The following SLC2A3 variants were observed in gnomAD, a reference collection of about 807,000 sequenced individuals.
SLC2A3 encodes the protein solute carrier family 2, facilitated glucose transporter member 3.
SLC2A3 carries 21 observed loss-of-function variants against 46.4 expected under a neutral mutation model. That is an observed-to-expected ratio of 0.45 (90% CI 0.32 to 0.65). The LOEUF is 0.65. Among genes scored for constraint, SLC2A3 ranks in the 30% least tolerant of loss-of-function variants. The probability of loss-of-function intolerance (pLI) is 0.04; values close to 1 mark genes in which losing one functional copy is unlikely to be tolerated. For synonymous variants in SLC2A3, 213 were observed against 239.4 expected (o/e 0.89, Z 1.02); for missense variants, 499 against 623.3 (o/e 0.80, Z 2.12).
rs1565605249 is a variant in SLC2A3 at position 7,933,110 on chromosome 12, T to C, written c.146A>G (p.Lys49Arg). ...CACCTCAGAGGGTGGGGCATTTCCC[T>C]TGTCCGTCAAAGTTTTATTGATAAA... ...KEFINKTLTD[K>R]GNAPPSEVLL... The change falls in exon 3 of 10, where the codon AAG (lysine) becomes AGG (arginine). Residue 49 changes from lysine to arginine, a missense_variant. Lys to Arg is a conservative substitution (Grantham distance 26, BLOSUM62 2). Around this residue, in one of 5 missense-constraint regions of SLC2A3, gnomAD observed 248 missense variants for 284.0 expected, o/e 0.87. Coordinates refer to ENST00000075120, the MANE Select transcript of SLC2A3 (RefSeq NM_006931.3). 1.9e-6 allele frequency: 3 copies of C among 1,613,954 alleles called. No homozygotes were observed. The highest frequency in any genetic ancestry group is 3.3e-5 in the Admixed American group (2 of 59,982).
chr12:7,931,242 T>G lies in SLC2A3; in HGVS notation c.510+3A>C. The G allele has an allele frequency of 6.2e-7, 1 of 1,614,074 alleles. No individual in the cohort carries two copies. On this transcript the variant is annotated splice_donor_region_variant and intron_variant, in intron 4 of 9. Transcript: ENST00000075120. ...TCATTAAGTATGAGAAGTTCTAGAG[T>G]ACCTGGGCCACCAGAATTCCAACAA...
rs750514083 is a variant in SLC2A3 at position 7,921,444 on chromosome 12, T to C, written c.1460A>G (p.Glu487Gly). Residue 487 changes from glutamate (E) to glycine (G), a missense_variant, in exon 10 of 10, where the codon GAG (glutamate) becomes GGG (glycine). Transcript: ENST00000075120. ...ATTGGTGGTGGTCTCCTTAGCAGGC[T>C]CGATGCTGTTCATCTCCATGACGCC... ...KDGVMEMNSI[E>G]PAKETTTNV 1.2e-6 allele frequency: 2 copies of C among 1,613,974 alleles called. No individual in the cohort carries two copies. Among genetic ancestry groups the C allele is most frequent in the Non-Finnish European group, 1.7e-6 (2 of 1,179,906 alleles).
chr12:7,933,861 G>A lies in SLC2A3; in HGVS notation c.57C>T (p.Ile19=), dbSNP rs745373148. 5 of 1,614,048 alleles carry A rather than the reference G, an allele frequency of 3.1e-6. No homozygotes were observed. The highest frequency in any genetic ancestry group is 4.2e-6 in the Non-Finnish European group (5 of 1,179,976). The change falls in exon 2 of 10, where the codon ATC becomes ATT. Residue 19 remains isoleucine, a synonymous_variant. Transcript: ENST00000075120. Reference sequence around the variant, plus strand: ...TGTTGTAGCCAAATTGGAAAGAGCCGATTGTAGCAACTGTGATGGCAAATA... The same window carrying A: ...TGTTGTAGCCAAATTGGAAAGAGCCAATTGTAGCAACTGTGATGGCAAATA... ...ALIFAITVAT[I]GSFQFGYNTG...
Position 7,930,621 on chromosome 12 carries a change from G to C in SLC2A3, c.532C>G (p.Leu178Val), listed in dbSNP as rs1256879742. The C allele has an allele frequency of 1.9e-6, 3 of 1,613,384 alleles. No homozygotes were observed. The highest frequency in any genetic ancestry group is 2.5e-6 in the Non-Finnish European group (3 of 1,179,694). ...AGCGGCCATAGCTCTTCAGACCCAAGGATGAATTCCAGACCAAAGATCTAG... is the reference window on the plus strand; with the variant it reads ...AGCGGCCATAGCTCTTCAGACCCAACGATGAATTCCAGACCAAAGATCTAG... The part of the protein sequence containing the change: ...VAQIFGLEFI[L>V]GSEELWPLLL... The change falls in exon 5 of 10, where the codon CTT becomes GTT. Residue 178 changes from leucine to valine, a missense_variant. Physicochemically the swap from Leu to Val is conservative, Grantham distance 32. This residue lies in a region of SLC2A3 where 248 missense variants were observed against 284.0 expected (regional missense o/e 0.87). Coordinates refer to ENST00000075120, the MANE Select transcript of SLC2A3 (RefSeq NM_006931.3).
chr12:7,924,257 C>T lies in SLC2A3; in HGVS notation c.1068+153G>A, dbSNP rs748438474. ...TAACAGTTTACCTCCAGTTCTCTGA[C>T]GACCCATGTTTCTTAAACTCTGGGC... On this transcript the variant is annotated intron_variant, in intron 8 of 9. Coordinates refer to ENST00000075120, the MANE Select transcript of SLC2A3 (RefSeq NM_006931.3). Among the ~76,000 whole-genome samples the T allele has an allele frequency of 7.2e-5, 11 of 152,118 alleles. No individual in the cohort carries two copies. The South Asian group carries it at 8.3e-4, about 11-fold the overall frequency.
At chr12:7,922,333 G>A (rs1946045744) in intron 9 of SLC2A3, among the ~76,000 whole-genome samples, 1 of 152,018 alleles carries the variant, frequency 6.6e-6, no homozygotes, top group African/African-American at 2.4e-5. Flanking sequence ...TCAAAGTGCT[G>A]GAATTACAGG....
At chr12:7,935,870 G>A (rs1049465348) in intron 1 of SLC2A3, 150 bp downstream of exon 1, 1 of 719,984 alleles carries the variant, frequency 1.4e-6, no homozygotes, top group Non-Finnish European at 2.5e-6. Flanking sequence ...CTGATGAAGC[G>A]GCAGCAGTGC....
intron 7 of SLC2A3, chr12:7,925,544 G>A (rs1946086617): frequency 8.0e-6 from 2 of 250,430 alleles, no homozygotes; most frequent in African/African-American, 4.4e-5. Flanking sequence ...GTTGATTATT[G>A]TTGTTTTAGT....
At chr12:7,933,982 T>C in intron 1 of SLC2A3, 80 bp from the exon 2 acceptor site, 1 of 1,370,526 alleles carries the variant, frequency 7.3e-7, no homozygotes, top group Non-Finnish European at 1.0e-6. Context: ...TATGGAGCTG[T>C]ATTAGGAGAA....
At position 7,931,318 on chromosome 12, in the gene SLC2A3, G is replaced by A. The variant is rs1426312279; in HGVS notation, c.437C>T (p.Ser146Leu). ...GFVPMYIGEI[S>L]PTALRGAFGT... Reference sequence around the variant, plus strand: ...AAAGGCACCCCGCAGGGCAGTAGGCGAGATCTCTCCAATGTACATGGGCAC... The same window carrying A: ...AAAGGCACCCCGCAGGGCAGTAGGCAAGATCTCTCCAATGTACATGGGCAC... Residue 146 changes from serine to leucine, a missense_variant, in exon 4 of 10, where the codon TCG becomes TTG. This residue lies in a region of SLC2A3 where 248 missense variants were observed against 284.0 expected (regional missense o/e 0.87). Transcript: ENST00000075120. 10 of 1,614,122 alleles carry A rather than the reference G, an allele frequency of 6.2e-6. No homozygotes were observed. The highest frequency in any genetic ancestry group is 8.5e-6 in the Non-Finnish European group (10 of 1,180,018).
At chr12:7,933,450 GAA>G (rs1946179824) in intron 2 of SLC2A3, 1 of 484,374 alleles carries the variant, frequency 2.1e-6, no homozygotes, top group Non-Finnish European at 3.7e-6. Context: ...ACTATGAGGT[GAA>G]AGAGTGGGAG....
intron 7 of SLC2A3, 111 bp downstream of exon 7, chr12:7,925,733 A>T: frequency 1.2e-6 from 1 of 855,530 alleles, no homozygotes; most frequent in Non-Finnish European, 1.9e-6. Flanking sequence ...CCAAAGGAAA[A>T]TTAAGCAACA....
intron 8 of SLC2A3, among the ~76,000 whole-genome samples, chr12:7,924,010 C>A (rs930228314): frequency 6.6e-6 from 1 of 151,934 alleles, no homozygotes; most frequent in Non-Finnish European, 1.5e-5. Flanking sequence ...TCAGGTGATC[C>A]GCCTGCCTCA....
rs770324357 is a variant in SLC2A3, at chr12:7,931,283, TGA to T, written c.470_471del (p.Leu157GlnfsTer24). ...ATTCCAACAACGATGCCCAGCTGGTTGAGAGTGCCAAAGGCACCCCGCAGGGC... is the reference window on the plus strand; with the variant it reads ...ATTCCAACAACGATGCCCAGCTGGTTGAGTGCCAAAGGCACCCCGCAGGGC... Reference protein sequence around the residue: ...PTALRGAFGTLNQLGIVVGIL... With the variant: ...PTALRGAFGTXNQLGIVVGIL... On this transcript the variant is annotated frameshift_variant, in exon 4 of 10. Coordinates refer to ENST00000075120, the MANE Select transcript of SLC2A3 (RefSeq NM_006931.3). LOFTEE classifies it high-confidence loss of function. The T allele has an allele frequency of 3.1e-6, 5 of 1,614,072 alleles. No homozygotes were observed. The Admixed American group carries it at 5.0e-5, about 16-fold the overall frequency.
In SLC2A3 at chr12:7,921,345, G is replaced by A. The variant is rs868102771; in HGVS notation, c.*68C>T. 89 of 1,608,490 alleles carry A rather than the reference G, an allele frequency of 5.5e-5. No homozygotes were observed. The Admixed American group carries it at 6.2e-4, about 11-fold the overall frequency. On this transcript the variant is annotated 3_prime_UTR_variant, in exon 10 of 10. Coordinates refer to ENST00000075120, the MANE Select transcript of SLC2A3 (RefSeq NM_006931.3). ...AGAAGCGTCCTGGGTTCATCCTGAT[G>A]AGGTCTCTCCCTTGTTGAGGGAGAG...
At position 7,935,525 on chromosome 12, in the gene SLC2A3, C is replaced by T. The variant is rs73260678; in HGVS notation, c.15+495G>A. Among the ~76,000 whole-genome samples the T allele has an allele frequency of 4.7e-3, 722 of 152,284 alleles. 7 individuals carry two copies. The highest frequency in any genetic ancestry group is 0.017 in the African/African-American group (689 of 41,570). ...TCAATATTTTAGTATGTCCTGCACT[C>T]ACGATTTTAACCCTAATAGGAAGGA... On this transcript the variant is annotated intron_variant, in intron 1 of 9. Coordinates refer to ENST00000075120, the MANE Select transcript of SLC2A3 (RefSeq NM_006931.3).
In SLC2A3 at chr12:7,919,279, T is replaced by C. The variant is rs754410577; in HGVS notation, c.*2134A>G. 6.6e-6 allele frequency: 1 copy of C among 152,348 alleles called. No individual in the cohort carries two copies. Among genetic ancestry groups the C allele is most frequent in the Non-Finnish European group, 1.5e-5 (1 of 67,980 alleles). The allele number at this position is 152,348 out of a possible 1,614,324, so 9.4% of individuals were successfully genotyped here. A position where few individuals can be genotyped will look rare whatever the true frequency, so the allele number is the denominator to read the frequency against. The stretch of plus-strand genomic sequence containing the variant: ...TTAAAACAAAGAACCAGAGTAACAA[T>C]AGAAAATCCATATGGAAATATTCAC... On this transcript the variant is annotated 3_prime_UTR_variant, in exon 10 of 10. Transcript: ENST00000075120.
chr12:7,926,783 G>A (rs906019143), intron 6 of SLC2A3, among the ~76,000 whole-genome samples: 3 of 152,252 alleles, frequency 2.0e-5, no homozygotes, highest in South Asian at 2.1e-4. Flanking sequence ...ATAAGCAGAG[G>A]TTGGGCTGTA....
chr12:7,932,851 T>C (rs931651878), intron 3 of SLC2A3, 136 bp downstream of exon 3: 13 of 1,314,752 alleles, frequency 9.9e-6, no homozygotes, highest in Middle Eastern at 2.7e-4. Flanking sequence ...TCGGGGCCAG[T>C]TGGACTAGGT....
Sources: allele counts gnomAD v4.1 joint callset (sites outside exome capture counted in the v4.1 genomes callset), GRCh38; gene constraint gnomAD v4.1.1; regional missense constraint gnomAD v4.1.1; transcripts MANE v1.5; gene names NCBI Gene and HGNC (gene_info 2026-07-23, HGNC 2026-07-21).